Variants in CEP128 observed in about 807,000 individuals in gnomAD.
CEP128 encodes the protein centrosomal protein 128kDa.
Under a neutral mutation model 156.7 loss-of-function variants are expected in CEP128, and 132 were observed. The ratio of observed to expected loss-of-function variants is 0.84; its 90% CI spans 0.73 to 0.97. CEP128 has a LOEUF of 0.97. Ranked by LOEUF, CEP128 falls within the 50% of genes least tolerant of loss-of-function variation. The pLI is 0.00. For synonymous variants in CEP128, 469 were observed against 448.9 expected (o/e 1.04, Z -0.57); for missense variants, 1,252 against 1,281.9 (o/e 0.98, Z 0.36).
At chr14:80,956,720 A>C (rs1184576655) in intron 2 of CEP128, among the ~76,000 whole-genome samples, 4 of 152,346 alleles carry the variant, frequency 2.6e-5, no homozygotes, top group South Asian at 4.1e-4. Flanking sequence ...ATGTTGATAG[A>C]TGAAAAGAAA....
At chr14:80,652,912 C>G (rs1894969869) in intron 19 of CEP128, among the ~76,000 whole-genome samples, 1 of 152,156 alleles carries the variant, frequency 6.6e-6, no homozygotes, top group Non-Finnish European at 1.5e-5. Flanking sequence ...CAGCACTGTT[C>G]ATAACAGCAA....
chr14:80,906,023 T>G lies in CEP128; in HGVS notation c.293A>C (p.Asn98Thr), dbSNP rs749726638. Residue 98 changes from asparagine (N) to threonine (T), a missense_variant, in exon 5 of 25, where the codon AAC becomes ACC. Coordinates refer to ENST00000555265, the MANE Select transcript of CEP128 (RefSeq NM_152446.5). ...AACAGAAATACTTCTCCCTCCTGAG[T>G]TTCTCAATAAACGTTGACTCCGGAG... ...DQLRSQRLLR[N>T]SGGRSISVTS... 6 of 1,612,838 alleles carry G rather than the reference T, an allele frequency of 3.7e-6. No homozygotes were observed. Among genetic ancestry groups the G allele is most frequent in the Non-Finnish European group, 5.1e-6 (6 of 1,179,544 alleles).
chr14:80,841,326 A>G (rs1170823883), intron 9 of CEP128, among the ~76,000 whole-genome samples: 2 of 152,078 alleles, frequency 1.3e-5, no homozygotes, highest in African/African-American at 2.4e-5. Flanking sequence ...GCCAACTGCC[A>G]GAAGCTTTTT....
chr14:80,955,429 G>C (rs1886608951), intron 2 of CEP128: 1 of 570,482 alleles, frequency 1.8e-6, no homozygotes, highest in South Asian at 2.0e-5. Context: ...CGGACTGCGT[G>C]GGTCCAGCCA....
At chr14:80,538,609 G>A (rs530881677) in intron 21 of CEP128, among the ~76,000 whole-genome samples, 30 of 151,980 alleles carry the variant, frequency 2.0e-4, no homozygotes, top group Admixed American at 7.9e-4. Flanking sequence ...TCTATCCTTC[G>A]ATCCAACTTA....
At chr14:80,730,047 T>G (rs1481872840) in intron 19 of CEP128, among the ~76,000 whole-genome samples, 1 of 152,152 alleles carries the variant, frequency 6.6e-6, no homozygotes, top group Non-Finnish European at 1.5e-5. Context: ...CTCTTTGGAG[T>G]GTACACATTG....
At chr14:80,526,614 A>C (rs145697505) in intron 23 of CEP128, 1 of 279,398 alleles carries the variant, frequency 3.6e-6, no homozygotes, top group Non-Finnish European at 6.7e-6. Flanking sequence ...AAGCAGCACC[A>C]GTTCCCGTAA....
intron 19 of CEP128, among the ~76,000 whole-genome samples, chr14:80,693,125 G>A (rs1299932734): frequency 1.3e-5 from 2 of 151,956 alleles, no homozygotes; most frequent in African/African-American, 4.8e-5. Context: ...AAGTATCAGT[G>A]GCTTTGAAAA....
intron 14 of CEP128, among the ~76,000 whole-genome samples, chr14:80,482,662 A>C (rs1887079699): frequency 6.6e-6 from 1 of 152,240 alleles, no homozygotes; most frequent in East Asian, 1.9e-4. Flanking sequence ...ATCACCAGAC[A>C]TATCAGCTGA....
rs185658940 is a variant in CEP128 at position 80,684,153 on chromosome 14, A to C, written c.2806+58922T>G. Among the ~76,000 whole-genome samples, 10 of 152,258 alleles carry C rather than the reference A, an allele frequency of 6.6e-5. No individual in the cohort carries two copies. The East Asian group carries it at 1.4e-3, about 21-fold the overall frequency. ...CCATACAAAGAACCAACGGAATGAAAAGTTGGTTTTTTGAAAGGATACACA... is the reference window on the plus strand; with the variant it reads ...CCATACAAAGAACCAACGGAATGAACAGTTGGTTTTTTGAAAGGATACACA... On this transcript the variant is annotated intron_variant, in intron 19 of 24. Coordinates refer to ENST00000555265, the MANE Select transcript of CEP128 (RefSeq NM_152446.5).
chr14:80,757,243 T>C (rs1899712865), intron 17 of CEP128, among the ~76,000 whole-genome samples: 1 of 152,188 alleles, frequency 6.6e-6, no homozygotes, highest in Non-Finnish European at 1.5e-5. Flanking sequence ...GAGTTCCATA[T>C]GGCAAACAGC....
intron 10 of CEP128, among the ~76,000 whole-genome samples, chr14:80,839,257 T>C (rs569983869): frequency 3.3e-4 from 50 of 152,240 alleles, no homozygotes; most frequent in Non-Finnish European, 6.0e-4. Context: ...AGTAAGATAG[T>C]TTTATAAAAA....
chr14:80,705,143 T>C (rs1897198159), intron 19 of CEP128, among the ~76,000 whole-genome samples: 2 of 152,096 alleles, frequency 1.3e-5, no homozygotes, highest in Admixed American at 1.3e-4. Context: ...AAGTAATCAG[T>C]ATTCCTATTT....
chr14:80,628,794 T>C (rs34481438), intron 19 of CEP128, among the ~76,000 whole-genome samples: 18,470 of 152,024 alleles, frequency 0.12, 1,404 homozygotes, highest in East Asian at 0.31. Flanking sequence ...AGTAAGCTCT[T>C]GCTAGCTAAG....
intron 23 of CEP128, among the ~76,000 whole-genome samples, chr14:80,520,097 G>A (rs1888667196): frequency 6.6e-6 from 1 of 152,080 alleles, no homozygotes; most frequent in African/African-American, 2.4e-5. Context: ...TTTACCATTG[G>A]GAATCCAAAT....
chr14:80,537,628 A>T (rs529705556), intron 21 of CEP128, among the ~76,000 whole-genome samples: 283 of 152,386 alleles, frequency 1.9e-3, no homozygotes, highest in Non-Finnish European at 2.6e-3. Flanking sequence ...AAAACTGAAC[A>T]TAAAATGTAC....
At chr14:80,666,999 T>C (rs1895642558) in intron 19 of CEP128, among the ~76,000 whole-genome samples, 1 of 152,104 alleles carries the variant, frequency 6.6e-6, no homozygotes, top group Non-Finnish European at 1.5e-5. Context: ...GAAAGCCACT[T>C]CCAGGACCCC....
intron 18 of CEP128, among the ~76,000 whole-genome samples, chr14:80,753,647 T>A (rs1464240243): frequency 1.3e-5 from 2 of 152,200 alleles, no homozygotes; most frequent in African/African-American, 4.8e-5. Flanking sequence ...TGCCATGATG[T>A]GAACAAAAAC....
chr14:80,528,614 C>T (rs1044250948), intron 22 of CEP128, among the ~76,000 whole-genome samples: 19 of 152,102 alleles, frequency 1.2e-4, no homozygotes, highest in African/African-American at 2.4e-4. Flanking sequence ...TAAATATGAC[C>T]GCATTTAAAC....
Sources: gnomAD v4.1 joint callset for allele counts (sites outside exome capture counted in the v4.1 genomes callset) on GRCh38, gnomAD v4.1.1 for gene constraint, MANE v1.5 for transcripts, NCBI Gene and HGNC (gene_info 2026-07-23, HGNC 2026-07-21) for gene names.